GDA: variants seen among roughly 807,000 people sequenced by gnomAD.
GDA encodes guanine deaminase.
In GDA, 18 loss-of-function variants were observed where a neutral mutation model predicts 59.6. That is an observed-to-expected ratio of 0.30 (90% CI 0.21 to 0.45). GDA has a LOEUF of 0.45. Ranked by LOEUF, GDA falls within the 20% of genes least tolerant of loss-of-function variation. The probability of loss-of-function intolerance (pLI) is 1.00; values close to 1 mark genes in which losing one functional copy is unlikely to be tolerated. For synonymous variants in GDA, 201 were observed against 201.1 expected (o/e 1.00, Z 0.00); for missense variants, 427 against 552.3 (o/e 0.77, Z 2.27).
intron 5 of GDA, among the ~76,000 whole-genome samples, chr9:72,214,546 G>A (rs551956768): frequency 3.5e-4 from 53 of 151,356 alleles, no homozygotes; most frequent in Middle Eastern, 3.5e-3. Context: ...TGCCCGCCTC[G>A]GCCTCCCAAA....
At chr9:72,116,681 G>A (rs1564142267) in intron 1 of GDA, among the ~76,000 whole-genome samples, 1 of 151,930 alleles carries the variant, frequency 6.6e-6, no homozygotes, top group Non-Finnish European at 1.5e-5. Flanking sequence ...CACCGCGCCC[G>A]GCCTCCCCAG....
chr9:72,139,987 C>G (rs1826383402), intron 1 of GDA, among the ~76,000 whole-genome samples: 1 of 151,978 alleles, frequency 6.6e-6, no homozygotes, highest in South Asian at 2.1e-4. Context: ...TTTTTGCTGC[C>G]CAGCACCCAT....
chr9:72,233,202 C>T (rs1196502049), intron 10 of GDA, among the ~76,000 whole-genome samples: 3 of 152,228 alleles, frequency 2.0e-5, no homozygotes, highest in Non-Finnish European at 4.4e-5. Context: ...GCAATTCACA[C>T]ACCCTGTCTA....
intron 1 of GDA, among the ~76,000 whole-genome samples, chr9:72,191,927 A>T (rs1374217245): frequency 6.6e-6 from 1 of 151,940 alleles, no homozygotes; most frequent in Non-Finnish European, 1.5e-5. Context: ...TTCTTTCTTT[A>T]TCCTTGATCT....
chr9:72,130,663 A>G (rs770374523), intron 1 of GDA, among the ~76,000 whole-genome samples: 2 of 152,226 alleles, frequency 1.3e-5, no homozygotes, highest in Non-Finnish European at 2.9e-5. Context: ...TATATGATTG[A>G]GGTGGCTAAA....
chr9:72,121,790 G>C lies in GDA; in HGVS notation c.-100+6957G>C, dbSNP rs532020808. Among the ~76,000 whole-genome samples the C allele has an allele frequency of 2.6e-5, 4 of 152,270 alleles. No individual in the cohort carries two copies. The South Asian group carries it at 8.3e-4, about 32-fold the overall frequency. Reference sequence around the variant, plus strand: ...CGCATGGAAGCTTGGCATACACCCAGTGACATCACTGAAACTGCTCTTGGC... The same window carrying C: ...CGCATGGAAGCTTGGCATACACCCACTGACATCACTGAAACTGCTCTTGGC... On this transcript the variant is annotated intron_variant, in intron 1 of 13. Coordinates refer to the GDA transcript ENST00000545168.
intron 10 of GDA, 25 bp downstream of exon 10, chr9:72,231,206 A>G (rs1000189168): frequency 8.2e-7 from 1 of 1,213,554 alleles, no homozygotes; most frequent in African/African-American, 1.5e-5. Context: ...ATTTGGAGCT[A>G]TGGCAAAGTG....
chr9:72,254,722 T>C (rs1840847077), downstream of GDA, among the ~76,000 whole-genome samples: 1 of 152,228 alleles, frequency 6.6e-6, no homozygotes, highest in Non-Finnish European at 1.5e-5. Flanking sequence ...AGTCTCCAGA[T>C]CAGACTTTTG....
chr9:72,227,481 C>T (rs1048832147), intron 8 of GDA, among the ~76,000 whole-genome samples: 2 of 149,842 alleles, frequency 1.3e-5, no homozygotes, highest in Non-Finnish European at 2.9e-5. Context: ...ATTACTCTCA[C>T]AGCTTTCACA....
At chr9:72,233,336 A>G (rs1416267572) in intron 10 of GDA, among the ~76,000 whole-genome samples, 2 of 152,266 alleles carry the variant, frequency 1.3e-5, no homozygotes, top group African/African-American at 2.4e-5. Context: ...GTGAACAAAT[A>G]TCTGAAAATG....
rs145099519 is a variant in GDA at position 72,155,985 on chromosome 9, A to G, written c.123+6303A>G. On this transcript the variant is annotated intron_variant, in intron 1 of 13. Transcript: ENST00000358399. ...TAAAATATATAGAATAATGCCTGGCATGTAGTACATGTCCATTAGACTTCA... is the reference window on the plus strand; with the variant it reads ...TAAAATATATAGAATAATGCCTGGCGTGTAGTACATGTCCATTAGACTTCA... 2.5e-3 allele frequency among the ~76,000 whole-genome samples: 375 copies of G among 152,374 alleles called. 1 individual carries two copies. The highest frequency in any genetic ancestry group is 4.1e-3 in the Non-Finnish European group (280 of 68,040).
Position 72,153,898 on chromosome 9 carries a change from G to T in GDA, c.123+4216G>T, listed in dbSNP as rs569064491. On this transcript the variant is annotated intron_variant, in intron 1 of 13. Coordinates refer to ENST00000358399, the MANE Select transcript of GDA (RefSeq NM_004293.5). The stretch of plus-strand genomic sequence containing the variant: ...TTAATGGGTGCAGCACACCAGCATG[G>T]CACATGTATACATATGTAACTAACC... 9.0e-3 allele frequency among the ~76,000 whole-genome samples: 1,344 copies of T among 149,744 alleles called. 15 individuals are homozygous for T. The highest frequency in any genetic ancestry group is 0.031 in the African/African-American group (1,272 of 40,642).
chr9:72,210,630 G>A, intron 3 of GDA, 57 bp from the exon 4 acceptor site: 1 of 919,698 alleles, frequency 1.1e-6, no homozygotes, highest in Non-Finnish European at 1.8e-6. Context: ...TCCTCTGGAT[G>A]TACCATGTGA....
chr9:72,194,436 C>G (rs933605542), intron 1 of GDA, among the ~76,000 whole-genome samples: 1 of 152,180 alleles, frequency 6.6e-6, no homozygotes, highest in East Asian at 1.9e-4. Flanking sequence ...GACAGTCTCA[C>G]ACCCCTGACA....
chr9:72,122,080 G>A (rs1040449390), intron 1 of GDA, among the ~76,000 whole-genome samples: 10 of 152,120 alleles, frequency 6.6e-5, no homozygotes, highest in Non-Finnish European at 1.5e-4. Flanking sequence ...TACAAGTACT[G>A]TCCTGGGATT....
chr9:72,117,346 G>A (rs1825489347), intron 1 of GDA, among the ~76,000 whole-genome samples: 1 of 152,014 alleles, frequency 6.6e-6, no homozygotes, highest in Non-Finnish European at 1.5e-5. Flanking sequence ...TTTTTCCTGA[G>A]TGTATGTCTT....
chr9:72,126,928 GA>G (rs1399986002), intron 1 of GDA, among the ~76,000 whole-genome samples: 2 of 151,990 alleles, frequency 1.3e-5, no homozygotes, highest in Non-Finnish European at 2.9e-5. Flanking sequence ...CCTTTTCTGA[GA>G]GTATCTGGTG....
chr9:72,212,343 G>A (rs781453176), intron 4 of GDA, among the ~76,000 whole-genome samples: 22 of 151,992 alleles, frequency 1.4e-4, no homozygotes, highest in South Asian at 1.2e-3. Flanking sequence ...TTAACCAAGC[G>A]TAGTGGTGGG....
At chr9:72,145,551 G>A (rs553199949), upstream of GDA, among the ~76,000 whole-genome samples, 96 of 152,310 alleles carry the variant, frequency 6.3e-4, no homozygotes, top group African/African-American at 2.2e-3. Flanking sequence ...AGGACTGACT[G>A]ACTAAGCTAC....
Sources: gnomAD v4.1 joint callset for allele counts (sites outside exome capture counted in the v4.1 genomes callset) on GRCh38, gnomAD v4.1.1 for gene constraint, MANE v1.5 for transcripts, NCBI Gene and HGNC (gene_info 2026-07-23, HGNC 2026-07-21) for gene names.